Variants in PIK3CD observed in about 807,000 individuals in gnomAD.
PIK3CD encodes the protein phosphatidylinositol 4,5-bisphosphate 3-kinase catalytic subunit delta isoform.
A neutral mutation model predicts 122.9 loss-of-function variants in PIK3CD; 20 were observed. The ratio of observed to expected loss-of-function variants is 0.16; its 90% CI spans 0.11 to 0.24. The LOEUF is 0.24. PIK3CD is among the 10% of genes least tolerant of loss of function. The pLI, the probability that PIK3CD is intolerant of heterozygous loss-of-function variation, is 1.00. For missense variants in PIK3CD, 787 were observed against 1,406.3 expected (o/e 0.56, Z 7.04); for synonymous variants, 596 against 593.4 (o/e 1.00, Z -0.06).
At chr1:9,634,179 A>T in the PIK3CD span, among the ~76,000 whole-genome samples, 4 of 138,368 alleles carry the variant, frequency 2.9e-5, no homozygotes, top group Non-Finnish European at 6.1e-5. Flanking sequence ...TTTGAGACAA[A>T]GTCTCACTCT....
rs192380569 is a variant in PIK3CD, at chr1:9,693,525, G to A, written c.-33+1954G>A. On this transcript the variant is annotated intron_variant, in intron 2 of 23. Transcript: ENST00000377346. ...TGGGATTACAGGCGTCAGCCTCCAC[G>A]CCCTGACCTGTGTCTGCACCTTTTA... 1.6e-4 allele frequency among the ~76,000 whole-genome samples: 24 copies of A among 152,078 alleles called. No homozygotes were observed. In the East Asian group the frequency reaches 3.5e-3, roughly 22 times the overall value.
intron 1 of PIK3CD, chr1:9,680,726 C>A (rs1040032606): frequency 6.6e-6 from 1 of 152,248 alleles, no homozygotes; most frequent in Admixed American, 6.5e-5. Flanking sequence ...TAGTCCATCA[C>A]AGGTATTGAT....
Position 9,698,327 on chromosome 1 carries a change from A to G in PIK3CD, c.-33+6756A>G, listed in dbSNP as rs528783872. 2.0e-5 allele frequency among the ~76,000 whole-genome samples: 3 copies of G among 152,260 alleles called. No individual in the cohort carries two copies. In the South Asian group the frequency reaches 6.2e-4, roughly 32 times the overall value. Reference sequence around the variant, plus strand: ...CCAACTAATTTTGTGTTTTTAATAGAGACGGGGTTTCACCACGTTGGTCAG... The same window carrying G: ...CCAACTAATTTTGTGTTTTTAATAGGGACGGGGTTTCACCACGTTGGTCAG... On this transcript the variant is annotated intron_variant, in intron 2 of 23. Coordinates refer to ENST00000377346, the MANE Select transcript of PIK3CD (RefSeq NM_005026.5).
chr1:9,706,036 A>G (rs371680289), intron 2 of PIK3CD, among the ~76,000 whole-genome samples: 1 of 137,928 alleles, frequency 7.3e-6, no homozygotes, highest in South Asian at 2.3e-4. Flanking sequence ...ATTGCTGTTG[A>G]TTCATTTATT....
At chr1:9,680,425 T>C (rs1645705770) in intron 1 of PIK3CD, among the ~76,000 whole-genome samples, 1 of 151,984 alleles carries the variant, frequency 6.6e-6, no homozygotes, top group African/African-American at 2.4e-5. Flanking sequence ...GCCTGGGCAA[T>C]ATAGTGAGAC....
intron 23 of PIK3CD, 69 bp from the exon 24 acceptor site, chr1:9,726,840 A>G: frequency 1.3e-6 from 2 of 1,595,198 alleles, no homozygotes; most frequent in Non-Finnish European, 1.7e-6. Context: ...TGAAGTCCCC[A>G]GAGAGGGACG....
chr1:9,703,326 G>T (rs978233489), intron 2 of PIK3CD, among the ~76,000 whole-genome samples: 1 of 152,178 alleles, frequency 6.6e-6, no homozygotes, highest in African/African-American at 2.4e-5. Context: ...GCAAACTCAG[G>T]CCCCTGATTG....
the PIK3CD span, among the ~76,000 whole-genome samples, chr1:9,645,072 C>T: frequency 6.9e-6 from 1 of 144,052 alleles, no homozygotes; most frequent in East Asian, 2.1e-4. Flanking sequence ...GTCACCCAGG[C>T]TGGAGTGCAG....
In PIK3CD at chr1:9,721,516, G is replaced by A. The variant is rs745520570; in HGVS notation, c.1884G>A (p.Glu628=). ...VLKYESYLDC[E]LTKFLLDRAL... ...AGTACGAGTCCTACCTGGACTGCGA[G>A]CTGACCAAATTCCTGCTGGACCGGG... Residue 628 remains glutamate, a synonymous_variant, in exon 15 of 24, where the codon GAG becomes GAA. Transcript: ENST00000377346. The A allele has an allele frequency of 1.9e-6, 3 of 1,613,920 alleles. No homozygotes were observed. The highest frequency in any genetic ancestry group is 2.5e-6 in the Non-Finnish European group (3 of 1,180,026).
At chr1:9,716,244 A>G in intron 5 of PIK3CD, 166 bp downstream of exon 5, 1 of 817,200 alleles carries the variant, frequency 1.2e-6, no homozygotes, top group Non-Finnish European at 2.0e-6. Flanking sequence ...CCCCCCAGGC[A>G]AGCTCAACGT....
intron 2 of PIK3CD, among the ~76,000 whole-genome samples, chr1:9,702,640 C>A (rs920076101): frequency 4.0e-5 from 6 of 149,842 alleles, no homozygotes; most frequent in African/African-American, 1.5e-4. Context: ...CCTGCCTCAG[C>A]CTCCCGAGTA....
intron 2 of PIK3CD, among the ~76,000 whole-genome samples, chr1:9,701,738 G>A (rs1646640371): frequency 6.6e-6 from 1 of 151,582 alleles, no homozygotes; most frequent in African/African-American, 2.4e-5. Flanking sequence ...AAACTACCAA[G>A]GATAATTGTG....
At position 9,724,182 on chromosome 1, in the gene PIK3CD, A is replaced by G. The variant is rs1196928895; in HGVS notation, c.2718+90A>G. The G allele has an allele frequency of 1.2e-6, 2 of 1,612,964 alleles. No homozygotes were observed. Among genetic ancestry groups the G allele is most frequent in the Non-Finnish European group, 1.7e-6 (2 of 1,179,628 alleles). On this transcript the variant is annotated intron_variant, in intron 21 of 23. Coordinates refer to ENST00000377346, the MANE Select transcript of PIK3CD (RefSeq NM_005026.5). The surrounding 1 kb of genome is among the most constrained non-coding windows in gnomAD (Gnocchi z 7.3). ...TCTGCCTAGCACACAGCTCTGTGGCAGGGGTCCCCCAGCCCTGCTGGCTTC... is the reference window on the plus strand; with the variant it reads ...TCTGCCTAGCACACAGCTCTGTGGCGGGGGTCCCCCAGCCCTGCTGGCTTC...
intron 1 of PIK3CD, among the ~76,000 whole-genome samples, chr1:9,671,198 C>T (rs1421194748): frequency 1.3e-5 from 2 of 152,086 alleles, no homozygotes; most frequent in Non-Finnish European, 2.9e-5. Flanking sequence ...CTCCTGGGCT[C>T]AAGCGATCTT....
At position 9,716,637 on chromosome 1, in the gene PIK3CD, C is replaced by G. The variant is rs1355814266; in HGVS notation, c.780+18C>G. On this transcript the variant is annotated intron_variant, in intron 6 of 23. Coordinates refer to ENST00000377346, the MANE Select transcript of PIK3CD (RefSeq NM_005026.5). ...AGTTCCAGGTGAGGCCGCTGAGGCC[C>G]TCTGCACTCTGGGCTCCCAACGCCC... is the stretch of plus-strand genomic sequence containing the variant. The G allele has an allele frequency of 1.9e-6, 3 of 1,549,394 alleles. No homozygotes were observed. Among genetic ancestry groups the G allele is most frequent in the Non-Finnish European group, 2.6e-6 (3 of 1,146,906 alleles).
chr1:9,691,658 C>T (rs1646200986), intron 2 of PIK3CD, 87 bp downstream of exon 2: 1 of 396,852 alleles, frequency 2.5e-6, no homozygotes, highest in Non-Finnish European at 4.4e-6. Flanking sequence ...ACAAACCCAT[C>T]CTCCCCGACT....
At chr1:9,668,952 AT>A (rs1645242393) in intron 1 of PIK3CD, among the ~76,000 whole-genome samples, 1 of 152,010 alleles carries the variant, frequency 6.6e-6, no homozygotes, top group Non-Finnish European at 1.5e-5. Flanking sequence ...GAGCATGGAA[AT>A]GGGGGCTAAG....
At position 9,718,229 on chromosome 1, in the gene PIK3CD, G is replaced by T; in HGVS notation, c.1021-465G>T. On this transcript the variant is annotated intron_variant, in intron 8 of 23. Transcript: ENST00000377346. This position sits in a 1 kb window ranked among gnomAD's most constrained non-coding sequence, Gnocchi z 7.2. The stretch of plus-strand genomic sequence containing the variant: ...AGCAGGGCAGGTCTGGGTTCCACTG[G>T]CAGGAATCGAGGGGGACTGGATCAG... 2.1e-6 allele frequency: 1 copy of T among 468,618 alleles called. No individual in the cohort carries two copies. The allele number at this position is 468,618 out of a possible 1,614,324, so 29.0% of individuals were successfully genotyped here. A position where few individuals can be genotyped will look rare whatever the true frequency, so the allele number is the denominator to read the frequency against.
rs780386111 is a variant in PIK3CD at position 9,717,077 on chromosome 1, G to A, written c.899G>A (p.Arg300His). ...SNPAPQVQKP[R>H]AKPPPIPAKK... ...CCTGCCCCCCAGGTCCAGAAACCGC[G>A]TGCCAAACCACCTCCCATTCCTGCG... Residue 300 changes from arginine to histidine, a missense_variant, in exon 7 of 24, where the codon CGT becomes CAT. Physicochemically the swap from Arg to His is conservative, Grantham distance 29. Transcript: ENST00000377346. This position sits in a 1 kb window ranked among gnomAD's most constrained non-coding sequence, Gnocchi z 5.4. The A allele has an allele frequency of 1.3e-5, 21 of 1,613,872 alleles. No homozygotes were observed. The highest frequency in any genetic ancestry group is 6.7e-5 in the African/African-American group (5 of 74,936).
Sources: allele counts gnomAD v4.1 joint callset (sites outside exome capture counted in the v4.1 genomes callset), GRCh38; gene constraint gnomAD v4.1.1; non-coding constraint Gnocchi (gnomAD v3.1); transcripts MANE v1.5; gene names NCBI Gene and HGNC (gene_info 2026-07-23, HGNC 2026-07-21).